PTMA: variants seen among roughly 807,000 people sequenced by gnomAD.
The protein encoded by PTMA is prothymosin alpha.
A neutral mutation model predicts 16.9 loss-of-function variants in PTMA; 4 were observed. The observed-to-expected ratio is 0.24, with a 90% CI of 0.12 to 0.54. PTMA has a LOEUF of 0.54. Ranked by LOEUF, PTMA falls within the 20% of genes least tolerant of loss-of-function variation. PTMA has a pLI of 0.95. For missense variants in PTMA, 120 were observed against 137.7 expected, an observed-to-expected ratio of 0.87 and a Z score of 0.64; for synonymous variants, 58 against 47.9, an observed-to-expected ratio of 1.21 and a Z score of -0.87.
intron 1 of PTMA, 62 bp downstream of exon 1, chr2:231,708,813 C>T: frequency 6.4e-7 from 1 of 1,559,496 alleles, no homozygotes; most frequent in South Asian, 1.1e-5. Context: ...CGGTGTTTGG[C>T]GCGCAGCAGC....
chr2:231,710,195 C>T (rs745468160), intron 1 of PTMA: 21 of 1,315,554 alleles, frequency 1.6e-5, no homozygotes, highest in African/African-American at 6.1e-5. Flanking sequence ...ACATTCGGGC[C>T]TGCCGGGGTG....
intron 1 of PTMA, 150 bp downstream of exon 1, chr2:231,708,901 A>T (rs943466466): frequency 4.0e-6 from 4 of 1,004,900 alleles, no homozygotes; most frequent in Non-Finnish European, 5.7e-6. Context: ...CAGGCAGCCC[A>T]CTCTTTGTGT....
chr2:231,710,025 G>T (rs2048495900), intron 1 of PTMA: 4 of 1,190,982 alleles, frequency 3.4e-6, no homozygotes, highest in Non-Finnish European at 1.1e-6. Context: ...CGTCCCCAGT[G>T]CGGGGCCTGG....
At chr2:231,710,415 C>T in intron 1 of PTMA, 2 of 1,157,502 alleles carry the variant, frequency 1.7e-6, no homozygotes, top group Non-Finnish European at 1.1e-6. Context: ...CCGCGACCTC[C>T]CTGCCCCCAC....
rs982695563 is a variant in PTMA at position 231,710,550 on chromosome 2, C to T, written c.46-798C>T. 32 of 647,996 alleles carry T rather than the reference C, an allele frequency of 4.9e-5. No individual in the cohort carries two copies. The African/African-American group carries it at 5.7e-4, about 12-fold the overall frequency. The allele number at this position is 647,996 out of a possible 1,614,324, so 40.1% of individuals were successfully genotyped here. On this transcript the variant is annotated intron_variant, in intron 1 of 4. Coordinates refer to ENST00000409115, the MANE Select transcript of PTMA (RefSeq NM_002823.5). ...CCGGAGCCGCTCGCCGGACAGCGGC[C>T]GAGGGGTTCCCGCAGGCCCGGACGC... is the stretch of plus-strand genomic sequence containing the variant.
chr2:231,709,118 C>T (rs1381171074), intron 1 of PTMA, among the ~76,000 whole-genome samples: 2 of 152,160 alleles, frequency 1.3e-5, no homozygotes, highest in African/African-American at 2.4e-5. Flanking sequence ...AACTTTGAAA[C>T]TCAAGCGCGT....
chr2:231,708,679 C>G lies in PTMA; in HGVS notation c.-28C>G, dbSNP rs765140429. On this transcript the variant is annotated 5_prime_UTR_variant, in exon 1 of 5. Coordinates refer to ENST00000409115, the MANE Select transcript of PTMA (RefSeq NM_002823.5). ...GAACTCTCGCTTTCTTTTTAATCCC[C>G]TGCATCGGATCACCGGCGTGCCCCA... is the stretch of plus-strand genomic sequence containing the variant. 71 of 1,601,024 alleles carry G rather than the reference C, an allele frequency of 4.4e-5. No individual in the cohort carries two copies. The highest frequency in any genetic ancestry group is 5.9e-5 in the Non-Finnish European group (70 of 1,179,500).
chr2:231,711,651 A>G lies in PTMA; in HGVS notation c.117+232A>G. 8 of 758,298 alleles carry G rather than the reference A, an allele frequency of 1.1e-5. No homozygotes were observed. The South Asian group carries it at 1.5e-4, about 15-fold the overall frequency. The allele number at this position is 758,298 out of a possible 1,614,324, so 47.0% of individuals were successfully genotyped here. A position where few individuals can be genotyped will look rare whatever the true frequency, so the allele number is the denominator to read the frequency against. Reference sequence around the variant, plus strand: ...GAATAGGTTCAGAGGAGACTCCGGTAGTCTGAGTTTGGGCTTGGCCCAGGG... The same window carrying G: ...GAATAGGTTCAGAGGAGACTCCGGTGGTCTGAGTTTGGGCTTGGCCCAGGG... On this transcript the variant is annotated intron_variant, in intron 2 of 4. Transcript: ENST00000409115.
chr2:231,712,343 C>G lies in PTMA; in HGVS notation c.212-100C>G. 2.4e-6 allele frequency: 3 copies of G among 1,268,588 alleles called. No individual in the cohort carries two copies. In the South Asian group the frequency reaches 3.8e-5, roughly 16 times the overall value. The allele number at this position is 1,268,588 out of a possible 1,614,324, so 78.6% of individuals were successfully genotyped here. Reference sequence around the variant, plus strand: ...TGGGCCCAGTTGCAGGCAGTAGAGGCAGGGCAGGGACCTTGCAGTCCACTA... The same window carrying G: ...TGGGCCCAGTTGCAGGCAGTAGAGGGAGGGCAGGGACCTTGCAGTCCACTA... On this transcript the variant is annotated intron_variant, in intron 3 of 4. Transcript: ENST00000409115.
chr2:231,708,593 GC>G lies in PTMA; in HGVS notation c.-112del, dbSNP rs949607196. 1 of 1,340,352 alleles carries G rather than the reference GC, an allele frequency of 7.5e-7. No homozygotes were observed. The highest frequency in any genetic ancestry group is 1.4e-5 in the African/African-American group (1 of 69,322). The allele number at this position is 1,340,352 out of a possible 1,614,324, so 83.0% of individuals were successfully genotyped here. On this transcript the variant is annotated 5_prime_UTR_variant, in exon 1 of 5. Coordinates refer to ENST00000409115, the MANE Select transcript of PTMA (RefSeq NM_002823.5). ...ATCCGCCTCCTTGCTCGCCGCAGCCGCCTCCGCCGCGCGCCTCCTCCGCCGC... is the reference window on the plus strand; with the variant it reads ...ATCCGCCTCCTTGCTCGCCGCAGCCGCTCCGCCGCGCGCCTCCTCCGCCGC...
At chr2:231,709,875 C>T (rs997420471) in intron 1 of PTMA, 15 of 292,550 alleles carry the variant, frequency 5.1e-5, no homozygotes, top group African/African-American at 1.5e-4. Flanking sequence ...TCTCCTTAAC[C>T]CTTGTGTCCC....
At chr2:231,710,450 G>A in intron 1 of PTMA, 1 of 1,110,964 alleles carries the variant, frequency 9.0e-7, no homozygotes, top group Non-Finnish European at 1.1e-6. Context: ...TCGGCCGCCA[G>A]GGGGCGAGAG....
chr2:231,713,411 A>C lies in PTMA; in HGVS notation c.*560A>C, dbSNP rs2048546116. 1 of 510,654 alleles carries C rather than the reference A, an allele frequency of 2.0e-6. No homozygotes were observed. Among genetic ancestry groups the C allele is most frequent in the Admixed American group, 2.2e-5 (1 of 44,742 alleles). The allele number at this position is 510,654 out of a possible 1,614,324, so 31.6% of individuals were successfully genotyped here. On this transcript the variant is annotated 3_prime_UTR_variant, in exon 5 of 5. Coordinates refer to ENST00000409115, the MANE Select transcript of PTMA (RefSeq NM_002823.5). ...AGATGGTTAAAAAGGCCAAAGATAA[A>C]AGGTTTCTTTTTTTTTCCTTTTTTG...
chr2:231,712,598 G>A, intron 4 of PTMA, 82 bp downstream of exon 4: 1 of 1,482,818 alleles, frequency 6.7e-7, no homozygotes. Context: ...AAGCTGCGGA[G>A]GGACTGTTTC....
rs185316663 is a variant in PTMA at position 231,708,854 on chromosome 2, C to T, written c.45+103C>T. ...TGTCTCAAGCCCGCTGTTGCTCCCT[C>T]TCGCGGGGAAACGGCCCGCCCCCGG... On this transcript the variant is annotated intron_variant, in intron 1 of 4. Coordinates refer to ENST00000409115, the MANE Select transcript of PTMA (RefSeq NM_002823.5). The T allele has an allele frequency of 1.5e-3, 2,006 of 1,380,566 alleles. 24 individuals are homozygous for T. In the African/African-American group the frequency reaches 0.025, roughly 17 times the overall value. 85.5% of individuals were successfully genotyped at this position (1,380,566 alleles called of 1,614,324 possible). A position where few individuals can be genotyped will look rare whatever the true frequency, so the allele number is the denominator to read the frequency against.
rs1432496741 is a variant in PTMA, at chr2:231,713,263, AAAG to A, written c.*413_*415del. The A allele has an allele frequency of 2.5e-5, 12 of 479,064 alleles. No homozygotes were observed. Among genetic ancestry groups the A allele is most frequent in the Non-Finnish European group, 5.0e-5 (12 of 239,374 alleles). The allele number at this position is 479,064 out of a possible 1,614,324, so 29.7% of individuals were successfully genotyped here. A position where few individuals can be genotyped will look rare whatever the true frequency, so the allele number is the denominator to read the frequency against. On this transcript the variant is annotated 3_prime_UTR_variant, in exon 5 of 5. Coordinates refer to ENST00000409115, the MANE Select transcript of PTMA (RefSeq NM_002823.5). ...GTGTGACCATGTTCATTATAATCTC[AAAG>A]GAGAAAAAAAACCTTGTAAAAAAAG...
intron 1 of PTMA, chr2:231,710,278 G>C: frequency 7.7e-7 from 1 of 1,298,240 alleles, no homozygotes; most frequent in South Asian, 2.5e-5. Context: ...TGCAAGCTCT[G>C]CCTGCCGGCC....
intron 1 of PTMA, chr2:231,710,338 C>G (rs746940161): frequency 2.5e-6 from 3 of 1,222,774 alleles, no homozygotes; most frequent in East Asian, 3.2e-5. Flanking sequence ...GCCACGTGCT[C>G]CCTGCGCGCG....
chr2:231,710,704 G>C, intron 1 of PTMA: 1 of 380,424 alleles, frequency 2.6e-6, no homozygotes, highest in Non-Finnish European at 5.5e-6. Context: ...AGCCGCCGCG[G>C]GGAGGCCGGG....
Sources: gnomAD v4.1 joint callset for allele counts (sites outside exome capture counted in the v4.1 genomes callset) on GRCh38, gnomAD v4.1.1 for gene constraint, MANE v1.5 for transcripts, NCBI Gene and HGNC (gene_info 2026-07-23, HGNC 2026-07-21) for gene names.